FOXN4: variants seen among roughly 807,000 people sequenced by gnomAD.
The protein encoded by FOXN4 is forkhead box protein N4.
A neutral mutation model predicts 45.0 loss-of-function variants in FOXN4; 12 were observed. That is an observed-to-expected ratio of 0.27 (90% CI 0.17 to 0.43). The LOEUF (loss-of-function observed/expected upper bound fraction) is 0.43. FOXN4 is among the 20% of genes least tolerant of loss of function. FOXN4 has a pLI of 1.00. For missense variants in FOXN4, 560 were observed against 694.9 expected (o/e 0.81, Z 2.18); for synonymous variants, 297 against 295.0 (o/e 1.01, Z -0.07).
At chr12:109,305,263 T>C (rs2337858) in intron 2 of FOXN4, among the ~76,000 whole-genome samples, 79,138 of 152,028 alleles carry the variant, frequency 0.52, 21,244 homozygotes, top group African/African-American at 0.64. Context: ...GAGTTCTACC[T>C]TCATGGGGTG....
intron 2 of FOXN4, among the ~76,000 whole-genome samples, chr12:109,304,400 C>T (rs893314520): frequency 6.6e-6 from 1 of 152,204 alleles, no homozygotes; most frequent in South Asian, 2.1e-4. Context: ...ACAGTAGATA[C>T]TTAATAACTC....
chr12:109,308,372 G>A, intron 1 of FOXN4, 48 bp from the exon 2 acceptor site: 2 of 1,347,498 alleles, frequency 1.5e-6, no homozygotes, highest in South Asian at 2.6e-5. Flanking sequence ...GCGACGATAT[G>A]GACAGGGCAG....
intron 2 of FOXN4, among the ~76,000 whole-genome samples, chr12:109,307,404 T>A (rs768454224): frequency 6.6e-6 from 1 of 152,190 alleles, no homozygotes; most frequent in African/African-American, 2.4e-5. Context: ...CAGGGCTCCC[T>A]GGCCTCAAGG....
intron 9 of FOXN4, 126 bp downstream of exon 9, chr12:109,281,281 G>A (rs1454098380): frequency 2.2e-6 from 3 of 1,333,388 alleles, no homozygotes; most frequent in Non-Finnish European, 3.1e-6. Flanking sequence ...ACTTGTAAAG[G>A]TTGTTGCTAT....
At position 109,281,416 on chromosome 12, in the gene FOXN4, C is replaced by T. The variant is rs200750509; in HGVS notation, c.1285G>A (p.Ala429Thr). The change falls in exon 9 of 10, where the codon GCT becomes ACT. Residue 429 changes from alanine to threonine, a missense_variant. Transcript: ENST00000299162. ...DALDPSIMDF[A>T]LQGNLWEEMK... is the part of the protein sequence containing the mutation. ...ATTCCTCCAGCCTCACCCTGCAGAG[C>T]GAAGTCCATGATGCTCGGGTCGAGG... The T allele has an allele frequency of 2.5e-5, 41 of 1,613,892 alleles. No homozygotes were observed. The East Asian group carries it at 4.2e-4, about 17-fold the overall frequency.
intron 2 of FOXN4, among the ~76,000 whole-genome samples, chr12:109,292,175 C>T (rs1176074755): frequency 6.6e-6 from 1 of 152,188 alleles, no homozygotes; most frequent in Non-Finnish European, 1.5e-5. Flanking sequence ...TGGTGCAAGC[C>T]ATGCTCCTGT....
intron 2 of FOXN4, among the ~76,000 whole-genome samples, chr12:109,304,939 G>A (rs1187797990): frequency 6.6e-6 from 1 of 152,204 alleles, no homozygotes; most frequent in African/African-American, 2.4e-5. Flanking sequence ...CATTCGAAGT[G>A]CAGAATCCTC....
rs2047727279 is a variant in FOXN4 at position 109,287,704 on chromosome 12, T to G, written c.468+140A>C. ...GGGCAGGAGTTTTGGGGGAACGGAATGAATGACCCCATGACATGAGCATGG... is the reference window on the plus strand; with the variant it reads ...GGGCAGGAGTTTTGGGGGAACGGAAGGAATGACCCCATGACATGAGCATGG... On this transcript the variant is annotated intron_variant, in intron 5 of 9. Coordinates refer to ENST00000299162, the MANE Select transcript of FOXN4 (RefSeq NM_213596.3). The surrounding 1 kb of genome is among the most constrained non-coding windows in gnomAD (Gnocchi z 4.1). 1 of 1,123,052 alleles carries G rather than the reference T, an allele frequency of 8.9e-7. No homozygotes were observed. The highest frequency in any genetic ancestry group is 1.6e-5 in the African/African-American group (1 of 63,428). 69.6% of individuals were successfully genotyped at this position (1,123,052 alleles called of 1,614,324 possible).
intron 2 of FOXN4, among the ~76,000 whole-genome samples, chr12:109,300,386 C>T (rs2136942710): frequency 6.6e-6 from 1 of 152,272 alleles, no homozygotes; most frequent in South Asian, 2.1e-4. Flanking sequence ...CAAAACTCTC[C>T]AGTCTCCTGA....
intron 2 of FOXN4, among the ~76,000 whole-genome samples, chr12:109,297,136 G>A (rs890733135): frequency 5.3e-5 from 8 of 152,322 alleles, no homozygotes; most frequent in Admixed American, 6.5e-5. Flanking sequence ...CTATTACAGA[G>A]GTCAACAACC....
intron 2 of FOXN4, among the ~76,000 whole-genome samples, chr12:109,305,382 G>A (rs201099629): frequency 6.6e-6 from 1 of 151,678 alleles, no homozygotes. Context: ...TATTATTGTT[G>A]TTATTATTAT....
chr12:109,308,956 G>C (rs2047944051), intron 1 of FOXN4, among the ~76,000 whole-genome samples, 163 bp downstream of exon 1: 1 of 152,222 alleles, frequency 6.6e-6, no homozygotes, highest in South Asian at 2.1e-4. Context: ...GCCCACCAAA[G>C]CCTCAGTTCC....
chr12:109,295,487 T>C (rs1026619044), intron 2 of FOXN4, among the ~76,000 whole-genome samples: 18 of 152,128 alleles, frequency 1.2e-4, no homozygotes, highest in Non-Finnish European at 1.9e-4. Flanking sequence ...AAGAATCAAC[T>C]GCAAAGACCC....
chr12:109,283,320 C>T (rs1202239636), intron 8 of FOXN4, among the ~76,000 whole-genome samples: 1 of 152,154 alleles, frequency 6.6e-6, no homozygotes, highest in Non-Finnish European at 1.5e-5. Context: ...TCTTCCCAAA[C>T]ACACAAGCAT....
rs929756193 is a variant in FOXN4, at chr12:109,291,391, A to T, written c.87-1105T>A. ...AGGGGCTTTCTGTGTCACCACCAAGAGGCCCACAGTCTAAATTCTAAGTTC... is the reference window on the plus strand; with the variant it reads ...AGGGGCTTTCTGTGTCACCACCAAGTGGCCCACAGTCTAAATTCTAAGTTC... On this transcript the variant is annotated intron_variant, in intron 2 of 9. Coordinates refer to ENST00000299162, the MANE Select transcript of FOXN4 (RefSeq NM_213596.3). This position sits in a 1 kb window ranked among gnomAD's most constrained non-coding sequence, Gnocchi z 6.6. Among the ~76,000 whole-genome samples the T allele has an allele frequency of 7.2e-5, 11 of 151,966 alleles. No individual in the cohort carries two copies. The highest frequency in any genetic ancestry group is 2.7e-4 in the African/African-American group (11 of 41,374).
rs1555242193 is a variant in FOXN4, at chr12:109,286,759, T to TGGGGCAGGGC, written c.597-25_597-16dup. ...CGATCAGACAGCTGGGGGCAGGAGG[T>TGGGGCAGGGC]GGGGCAGGGCAGGGCAGGGCAGGAC... On this transcript the variant is annotated splice_polypyrimidine_tract_variant and intron_variant, in intron 6 of 9. Transcript: ENST00000299162. 1.1e-5 allele frequency: 17 copies of TGGGGCAGGGC among 1,598,504 alleles called. No individual in the cohort carries two copies. The highest frequency in any genetic ancestry group is 5.5e-5 in the African/African-American group (4 of 73,206).
rs1055035208 is a variant in FOXN4, at chr12:109,290,838, G to A, written c.87-552C>T. Among the ~76,000 whole-genome samples the A allele has an allele frequency of 6.6e-6, 1 of 152,188 alleles. No individual in the cohort carries two copies. The highest frequency in any genetic ancestry group is 2.4e-5 in the African/African-American group (1 of 41,458). On this transcript the variant is annotated intron_variant, in intron 2 of 9. Transcript: ENST00000299162. The surrounding 1 kb of genome is among the most constrained non-coding windows in gnomAD (Gnocchi z 5.1). Reference sequence around the variant, plus strand: ...GGGAACGGTCTGCGTGGATGATCCTGCCATGTGCTGAGGCAGCTGAGTGCC... The same window carrying A: ...GGGAACGGTCTGCGTGGATGATCCTACCATGTGCTGAGGCAGCTGAGTGCC...
rs915691604 is a variant in FOXN4 at position 109,287,259 on chromosome 12, G to C, written c.596+138C>G. 1 of 1,197,102 alleles carries C rather than the reference G, an allele frequency of 8.4e-7. No individual in the cohort carries two copies. The highest frequency in any genetic ancestry group is 1.2e-6 in the Non-Finnish European group (1 of 861,322). The allele number at this position is 1,197,102 out of a possible 1,614,324, so 74.2% of individuals were successfully genotyped here. On this transcript the variant is annotated intron_variant, in intron 6 of 9. Transcript: ENST00000299162. This position sits in a 1 kb window ranked among gnomAD's most constrained non-coding sequence, Gnocchi z 4.1. ...GCCTTCCTGAGAACAAGTCCCACCT[G>C]GGGGTTCCCCACTCCCCAAAACCTC...
At chr12:109,286,336 G>T (rs2047710023) in intron 7 of FOXN4, among the ~76,000 whole-genome samples, 1 of 152,170 alleles carries the variant, frequency 6.6e-6, no homozygotes, top group East Asian at 1.9e-4. Context: ...AGAGGTGAAG[G>T]CTTTTGCCAA....
Sources: allele counts gnomAD v4.1 joint callset (sites outside exome capture counted in the v4.1 genomes callset), GRCh38; gene constraint gnomAD v4.1.1; non-coding constraint Gnocchi (gnomAD v3.1); transcripts MANE v1.5; gene names NCBI Gene and HGNC (gene_info 2026-07-23, HGNC 2026-07-21).